The following PCDH15 variants were observed in gnomAD, a reference collection of about 807,000 sequenced individuals.
The protein encoded by PCDH15 is protocadherin-15.
PCDH15 carries 129 observed loss-of-function variants against 178.5 expected under a neutral mutation model. The observed-to-expected ratio is 0.72, with a 90% CI of 0.63 to 0.84. The LOEUF (loss-of-function observed/expected upper bound fraction) is 0.84. PCDH15 is among the 40% of genes least tolerant of loss of function. The pLI is 0.00. For synonymous variants in PCDH15, 800 were observed against 732.0 expected (o/e 1.09, Z -1.50); for missense variants, 2,230 against 2,099.9 (o/e 1.06, Z -1.21).
chr10:54,740,037 T>C (rs931754304), intron 1 of PCDH15, among the ~76,000 whole-genome samples: 1 of 152,100 alleles, frequency 6.6e-6, no homozygotes, highest in East Asian at 1.9e-4. Context: ...GAAATGGGAT[T>C]ACACTGAGCT....
chr10:54,671,467 TGA>T (rs1041184118), intron 1 of PCDH15, among the ~76,000 whole-genome samples: 3 of 152,296 alleles, frequency 2.0e-5, no homozygotes, highest in Admixed American at 6.5e-5. Context: ...GGCTCTGGCA[TGA>T]GAGAGTCTTG....
At chr10:55,153,120 A>G (rs542608242) in intron 2 of PCDH15, among the ~76,000 whole-genome samples, 1 of 152,330 alleles carries the variant, frequency 6.6e-6, no homozygotes, top group South Asian at 2.1e-4. Context: ...TTCAAGACGT[A>G]TCATTTAACT....
chr10:53,949,621 G>A (rs939945000), intron 23 of PCDH15, among the ~76,000 whole-genome samples: 8 of 152,072 alleles, frequency 5.3e-5, no homozygotes, highest in South Asian at 4.1e-4. Flanking sequence ...ACCTAAAGTC[G>A]CAGCTACTTA....
At chr10:55,337,940 T>A (rs150014489) in intron 2 of PCDH15, among the ~76,000 whole-genome samples, 143 of 152,160 alleles carry the variant, frequency 9.4e-4, no homozygotes, top group African/African-American at 3.0e-3. Context: ...CCAGAATATA[T>A]TAGGAGCTCA....
chr10:53,962,002 T>G, intron 21 of PCDH15, 110 bp from the exon 22 acceptor site: 1 of 842,530 alleles, frequency 1.2e-6, no homozygotes, highest in Non-Finnish European at 1.9e-6. Context: ...GTGAAAATCA[T>G]ATTTCCATAT....
intron 1 of PCDH15, among the ~76,000 whole-genome samples, chr10:55,270,992 T>C (rs538912133): frequency 6.6e-6 from 1 of 152,100 alleles, no homozygotes; most frequent in African/African-American, 2.4e-5. Flanking sequence ...CACGGTGATA[T>C]GGATGGCTCT....
chr10:53,932,024 T>C (rs779498781), intron 25 of PCDH15, among the ~76,000 whole-genome samples: 1 of 152,218 alleles, frequency 6.6e-6, no homozygotes, highest in Non-Finnish European at 1.5e-5. Context: ...GCGAAGTTCC[T>C]ACTTCAATAT....
intron 2 of PCDH15, among the ~76,000 whole-genome samples, chr10:54,949,652 C>T (rs1294752882): frequency 6.6e-6 from 1 of 151,864 alleles, no homozygotes; most frequent in African/African-American, 2.4e-5. Flanking sequence ...AATTCCAAAC[C>T]ATCTATTTGT....
At chr10:55,471,975 T>C (rs1589058557) in intron 2 of PCDH15, among the ~76,000 whole-genome samples, 1 of 152,104 alleles carries the variant, frequency 6.6e-6, no homozygotes, top group Non-Finnish European at 1.5e-5. Context: ...AGGAGGATGG[T>C]GGTTTTATGC....
chr10:55,535,903 A>C (rs1304794196), intron 2 of PCDH15, among the ~76,000 whole-genome samples: 4 of 152,080 alleles, frequency 2.6e-5, no homozygotes, highest in Non-Finnish European at 1.5e-5. Flanking sequence ...CATACCTTAT[A>C]TATCATTTAC....
chr10:54,954,419 T>C (rs1838427764), intron 2 of PCDH15, among the ~76,000 whole-genome samples: 1 of 151,278 alleles, frequency 6.6e-6, no homozygotes, highest in Non-Finnish European at 1.5e-5. Flanking sequence ...CTTAGCATTA[T>C]CCTACATGTA....
chr10:55,480,934 T>G (rs544783464), intron 2 of PCDH15, among the ~76,000 whole-genome samples: 1 of 151,966 alleles, frequency 6.6e-6, no homozygotes, highest in South Asian at 2.1e-4. Flanking sequence ...TTAGTACACC[T>G]GGTAGAATTC....
chr10:53,846,389 T>G (rs2077982059), intron 28 of PCDH15, among the ~76,000 whole-genome samples: 1 of 151,940 alleles, frequency 6.6e-6, no homozygotes, highest in Non-Finnish European at 1.5e-5. Context: ...AGAAAACTTC[T>G]AAAGAAATAC....
chr10:54,883,240 G>A (rs531602918), intron 3 of PCDH15, among the ~76,000 whole-genome samples: 10 of 152,096 alleles, frequency 6.6e-5, no homozygotes, highest in African/African-American at 2.2e-4. Context: ...AGCTTCACTT[G>A]ATGAAAAGCT....
chr10:54,086,276 G>T (rs1406303914), intron 16 of PCDH15, among the ~76,000 whole-genome samples: 2 of 152,036 alleles, frequency 1.3e-5, no homozygotes, highest in East Asian at 3.9e-4. Flanking sequence ...GTGGTGCCAG[G>T]CTCCTTTTTT....
chr10:55,253,113 G>C lies in PCDH15; in HGVS notation c.-156+66486C>G, dbSNP rs529787098. Among the ~76,000 whole-genome samples the C allele has an allele frequency of 2.6e-4, 40 of 152,110 alleles. No individual in the cohort carries two copies. In the South Asian group the frequency reaches 4.0e-3, roughly 15 times the overall value. On this transcript the variant is annotated intron_variant, in intron 1 of 5. Transcript: ENST00000458638. ...TATTATGAAGTTTCAATTATTTGTA[G>C]AGTCATGGTCTCCATCTAATGGATT...
chr10:54,443,178 T>A (rs544318234), intron 3 of PCDH15, among the ~76,000 whole-genome samples: 155 of 151,766 alleles, frequency 1.0e-3, no homozygotes, highest in Admixed American at 1.6e-3. Context: ...AGCAGCAATT[T>A]TTTTTCCTTT....
intron 2 of PCDH15, among the ~76,000 whole-genome samples, chr10:55,532,013 T>G (rs898032747): frequency 2.0e-5 from 3 of 152,176 alleles, no homozygotes; most frequent in African/African-American, 7.2e-5. Flanking sequence ...ATTAAAGATC[T>G]GATCTTTGTA....
intron 25 of PCDH15, among the ~76,000 whole-genome samples, chr10:53,924,020 G>A (rs1167885456): frequency 1.3e-5 from 2 of 152,128 alleles, no homozygotes; most frequent in African/African-American, 2.4e-5. Context: ...CAGCCTGCTG[G>A]CAGCCCTCGC....
Sources: allele counts gnomAD v4.1 joint callset (sites outside exome capture counted in the v4.1 genomes callset), GRCh38; gene constraint gnomAD v4.1.1; transcripts MANE v1.5; gene names NCBI Gene and HGNC (gene_info 2026-07-23, HGNC 2026-07-21).